FAM163B: variants seen among roughly 807,000 people sequenced by gnomAD.
The protein encoded by FAM163B is family with sequence similarity 163 member B.
Under a neutral mutation model 7.6 loss-of-function variants are expected in FAM163B, and 4 were observed. The observed-to-expected ratio is 0.52, with a 90% CI of 0.26 to 1.20. FAM163B has a LOEUF of 1.20. Ranked by LOEUF, FAM163B falls within the 50% of genes most tolerant of loss-of-function variation. FAM163B has a pLI of 0.14. For missense variants in FAM163B, 250 were observed against 243.0 expected (o/e 1.03, Z -0.19); for synonymous variants, 120 against 111.6 (o/e 1.07, Z -0.47).
intron 1 of FAM163B, among the ~76,000 whole-genome samples, chr9:133,608,584 G>T (rs112464007): frequency 6.6e-6 from 1 of 152,160 alleles, no homozygotes; most frequent in Admixed American, 6.5e-5. Flanking sequence ...CAAACCTCTC[G>T]GAGACTCAGT....
chr9:133,595,038 C>G (rs982657503), intron 1 of FAM163B, among the ~76,000 whole-genome samples: 2 of 152,200 alleles, frequency 1.3e-5, no homozygotes, highest in Non-Finnish European at 2.9e-5. Flanking sequence ...CCTGTCACAG[C>G]TTGGTGCTGC....
chr9:133,582,929 C>T (rs1192923545), intron 1 of FAM163B, among the ~76,000 whole-genome samples: 15 of 152,284 alleles, frequency 9.9e-5, no homozygotes, highest in East Asian at 3.9e-4. Context: ...CCACAGCTGC[C>T]GGAGAGATTG....
At chr9:133,588,589 A>T in intron 1 of FAM163B, among the ~76,000 whole-genome samples, 1 of 152,258 alleles carries the variant, frequency 6.6e-6, no homozygotes. Flanking sequence ...TGAGGGATCT[A>T]GCATGTTGAG....
Position 133,579,169 on chromosome 9 carries a change from C to CCCG in FAM163B, c.351_353dup (p.Gly118dup). On this transcript the variant is annotated inframe_insertion, in exon 3 of 3. Coordinates refer to ENST00000673969, the MANE Select transcript of FAM163B (RefSeq NM_001080515.3). ...TCACGCTCTTGTAGAGCACGCGCTC[C>CCCG]CCGCCGTTCAGCACGTCCTCTTCCT... 6.2e-7 allele frequency: 1 copy of CCCG among 1,611,310 alleles called. No homozygotes were observed. The highest frequency in any genetic ancestry group is 8.5e-7 in the Non-Finnish European group (1 of 1,179,824).
chr9:133,585,262 C>T lies in FAM163B; in HGVS notation c.-23-5016G>A, dbSNP rs377119860. ...AAACACCTGGCAGCAGAGCCAGACA[C>T]GGGCCTCCACCTGCCTCCCCCGGGA... On this transcript the variant is annotated intron_variant, in intron 1 of 2. Transcript: ENST00000673969. 1.8e-4 allele frequency among the ~76,000 whole-genome samples: 28 copies of T among 152,330 alleles called. No individual in the cohort carries two copies. The South Asian group carries it at 5.2e-3, about 28-fold the overall frequency.
At chr9:133,591,689 C>T (rs1442214172) in intron 1 of FAM163B, among the ~76,000 whole-genome samples, 4 of 152,180 alleles carry the variant, frequency 2.6e-5, no homozygotes, top group Non-Finnish European at 4.4e-5. Flanking sequence ...ATGCAGCGGG[C>T]GCGGGGAGCA....
rs9414511 is a variant in FAM163B, at chr9:133,578,260, A to G, written c.*762T>C. ...CTGAGCACTGGGTCTATACATTTCC[A>G]CGTTGCCTCTCCCACGGCAGGGGGA... On this transcript the variant is annotated 3_prime_UTR_variant, in exon 3 of 3. Transcript: ENST00000673969. Among the ~76,000 whole-genome samples the G allele has an allele frequency of 0.99, 150,128 of 152,236 alleles. 74,191 individuals carry two copies. The highest frequency in any genetic ancestry group is 1 in the Middle Eastern group (294 of 294).
At chr9:133,608,361 C>A (rs1450389311) in intron 1 of FAM163B, among the ~76,000 whole-genome samples, 1 of 152,190 alleles carries the variant, frequency 6.6e-6, no homozygotes, top group African/African-American at 2.4e-5. Context: ...GACAGTGGAG[C>A]CCTGAGGACC....
chr9:133,589,212 G>A lies in FAM163B; in HGVS notation c.-23-8966C>T, dbSNP rs145253213. Reference sequence around the variant, plus strand: ...GGTTCCTGCCTCACTCAAACACCCTGCATGGCTCCCTATACCTCTTAATAA... The same window carrying A: ...GGTTCCTGCCTCACTCAAACACCCTACATGGCTCCCTATACCTCTTAATAA... On this transcript the variant is annotated intron_variant, in intron 1 of 2. Coordinates refer to ENST00000673969, the MANE Select transcript of FAM163B (RefSeq NM_001080515.3). 4.1e-3 allele frequency among the ~76,000 whole-genome samples: 626 copies of A among 152,248 alleles called. 3 individuals are homozygous for A. Among genetic ancestry groups the A allele is most frequent in the Non-Finnish European group, 4.3e-3 (290 of 68,008 alleles).
At chr9:133,582,896 G>A (rs2131219516) in intron 1 of FAM163B, among the ~76,000 whole-genome samples, 1 of 152,324 alleles carries the variant, frequency 6.6e-6, no homozygotes, top group African/African-American at 2.4e-5. Flanking sequence ...GAAGGCGCTG[G>A]TCCCCGGAGG....
At position 133,579,202 on chromosome 9, in the gene FAM163B, C is replaced by G. The variant is rs1251299517; in HGVS notation, c.321G>C (p.Pro107=). 2 of 1,612,098 alleles carry G rather than the reference C, an allele frequency of 1.2e-6. No individual in the cohort carries two copies. The highest frequency in any genetic ancestry group is 1.7e-6 in the Non-Finnish European group (2 of 1,179,796). ...CEPPTFFLQE[P]PEEEEDVLNG... is the part of the protein sequence containing the mutation. ...TCAGCACGTCCTCTTCCTCCTCCGG[C>G]GGCTCCTGCAGGAAGAAGGTGGGGG... Residue 107 remains proline (P), a synonymous_variant, in exon 3 of 3, where the codon CCG becomes CCC. Coordinates refer to ENST00000673969, the MANE Select transcript of FAM163B (RefSeq NM_001080515.3).
intron 2 of FAM163B, 60 bp downstream of exon 2, chr9:133,580,071 G>C: frequency 6.9e-7 from 1 of 1,454,630 alleles, no homozygotes; most frequent in Non-Finnish European, 9.5e-7. Flanking sequence ...GCTCCCTCCC[G>C]AGGTAGGGGC....
At chr9:133,584,863 G>T (rs573079949) in intron 1 of FAM163B, among the ~76,000 whole-genome samples, 49 of 152,344 alleles carry the variant, frequency 3.2e-4, no homozygotes, top group African/African-American at 1.2e-3. Context: ...CTTGTGACTC[G>T]AGCCCCACCC....
In FAM163B at chr9:133,601,905, C is replaced by CT. The variant is rs534101458; in HGVS notation, c.-24+7171dup. Among the ~76,000 whole-genome samples, 15 of 152,306 alleles carry CT rather than the reference C, an allele frequency of 9.8e-5. No individual in the cohort carries two copies. In the East Asian group the frequency reaches 1.4e-3, roughly 14 times the overall value. On this transcript the variant is annotated intron_variant, in intron 1 of 2. Coordinates refer to ENST00000673969, the MANE Select transcript of FAM163B (RefSeq NM_001080515.3). The surrounding 1 kb of genome is among the most constrained non-coding windows in gnomAD (Gnocchi z 4.1). Reference sequence around the variant, plus strand: ...GAGGAGCCTCAGGGAGGAAGGGACTCTGAGGGTTCGAGAAACAGGCAGTAG... The same window carrying CT: ...GAGGAGCCTCAGGGAGGAAGGGACTCTTGAGGGTTCGAGAAACAGGCAGTAG...
chr9:133,602,149 C>G (rs995191974), intron 1 of FAM163B, among the ~76,000 whole-genome samples: 9 of 151,674 alleles, frequency 5.9e-5, no homozygotes, highest in African/African-American at 2.2e-4. Context: ...CTGCCTCCAG[C>G]CATGCCCAAG....
intron 1 of FAM163B, among the ~76,000 whole-genome samples, chr9:133,588,623 AGCATGTTGAG>A (rs1831480927): frequency 6.6e-6 from 1 of 152,068 alleles, no homozygotes; most frequent in Non-Finnish European, 1.5e-5. Flanking sequence ...TGAAGGATCT[AGCATGTTGAG>A]GGATCTAGCA....
rs1564197357 is a variant in FAM163B at position 133,600,256 on chromosome 9, GGTCTGTGTGTGT to G, written c.-24+8809_-24+8820del. Among the ~76,000 whole-genome samples, 1 of 90,862 alleles carries G rather than the reference GGTCTGTGTGTGT, an allele frequency of 1.1e-5. No homozygotes were observed. Among genetic ancestry groups the G allele is most frequent in the African/African-American group, 5.5e-5 (1 of 18,306 alleles). 59.6% of individuals were successfully genotyped at this position (90,862 alleles called of 152,430 possible). A position where few individuals can be genotyped will look rare whatever the true frequency, so the allele number is the denominator to read the frequency against. On this transcript the variant is annotated intron_variant, in intron 1 of 2. Transcript: ENST00000673969. The surrounding 1 kb of genome is among the most constrained non-coding windows in gnomAD (Gnocchi z 4.9). The stretch of plus-strand genomic sequence containing the variant: ...GGTCTGTGTGCATGTGTGTGAGTGT[GGTCTGTGTGTGT>G]GTGTGTGTGTGTGTGTGTGTGTGTG...
chr9:133,608,869 C>T (rs953257560), intron 1 of FAM163B, among the ~76,000 whole-genome samples: 2 of 152,230 alleles, frequency 1.3e-5, no homozygotes. Context: ...GGCCCTCGTG[C>T]CCACCTGGGT....
At position 133,578,854 on chromosome 9, in the gene FAM163B, C is replaced by G; in HGVS notation, c.*168G>C. 7.6e-7 allele frequency: 1 copy of G among 1,309,760 alleles called. No homozygotes were observed. Among genetic ancestry groups the G allele is most frequent in the Non-Finnish European group, 1.0e-6 (1 of 990,676 alleles). The allele number at this position is 1,309,760 out of a possible 1,614,324, so 81.1% of individuals were successfully genotyped here. A position where few individuals can be genotyped will look rare whatever the true frequency, so the allele number is the denominator to read the frequency against. ...ACATTTGTGTTCAATGAGCCTTATC[C>G]CTGCCACGAGCCTGGGGGCTCCCCA... On this transcript the variant is annotated 3_prime_UTR_variant, in exon 3 of 3. Transcript: ENST00000673969.
Sources: gnomAD v4.1 joint callset for allele counts (sites outside exome capture counted in the v4.1 genomes callset) on GRCh38, gnomAD v4.1.1 for gene constraint, Gnocchi (gnomAD v3.1) non-coding constraint, MANE v1.5 for transcripts, NCBI Gene and HGNC (gene_info 2026-07-23, HGNC 2026-07-21) for gene names.